UST: variants seen among roughly 807,000 people sequenced by gnomAD.
UST encodes chondroitin sulfate 2-O-sulfotransferase.
A neutral mutation model predicts 45.6 loss-of-function variants in UST; 21 were observed. The ratio of observed to expected loss-of-function variants is 0.46; its 90% CI spans 0.33 to 0.66. UST has a LOEUF of 0.66. Ranked by LOEUF, UST falls within the 30% of genes least tolerant of loss-of-function variation. The pLI, the probability that UST is intolerant of heterozygous loss-of-function variation, is 0.02. For synonymous variants in UST, 215 were observed against 200.6 expected (o/e 1.07, Z -0.61); for missense variants, 463 against 512.4 (o/e 0.90, Z 0.93).
chr6:149,019,102 A>G (rs1452527700), intron 5 of UST, 37 bp from the exon 6 acceptor site: 1 of 1,453,046 alleles, frequency 6.9e-7, no homozygotes, highest in African/African-American at 1.4e-5. Flanking sequence ...CCTTGCAGAG[A>G]CTACAAGACA....
intron 1 of UST, among the ~76,000 whole-genome samples, chr6:148,877,914 G>A (rs113788610): frequency 0.027 from 2,848 of 104,718 alleles, 158 homozygotes; most frequent in African/African-American, 0.075. Flanking sequence ...GTACGAGTGC[G>A]GAGATTGTGT....
intron 5 of UST, among the ~76,000 whole-genome samples, chr6:148,986,842 C>T (rs1453000424): frequency 6.6e-6 from 1 of 152,256 alleles, no homozygotes; most frequent in Non-Finnish European, 1.5e-5. Flanking sequence ...ATAGAAAGTT[C>T]CTCAAGGACA....
chr6:148,964,888 G>A (rs1018451644), intron 5 of UST, among the ~76,000 whole-genome samples: 8 of 152,194 alleles, frequency 5.3e-5, no homozygotes, highest in African/African-American at 1.4e-4. Flanking sequence ...GAACAAAGGT[G>A]TTGGGGGGGT....
chr6:148,807,060 A>G (rs1161125168), intron 1 of UST, among the ~76,000 whole-genome samples: 2 of 152,226 alleles, frequency 1.3e-5, no homozygotes, highest in East Asian at 1.9e-4. Flanking sequence ...ATCTCTGTGT[A>G]TTGAAAGTAG....
chr6:148,782,118 C>A (rs1220470699), intron 1 of UST, among the ~76,000 whole-genome samples: 1 of 152,160 alleles, frequency 6.6e-6, no homozygotes, highest in Admixed American at 6.5e-5. Context: ...AGCTCTGTCA[C>A]CCAGGCTGGA....
chr6:148,747,670 G>C lies in UST; in HGVS notation c.240G>C (p.Gln80His). The change falls in exon 1 of 8, where the codon CAG (glutamine) becomes CAC (histidine). Residue 80 changes from glutamine to histidine, a missense_variant. Physicochemically the swap from Gln to His is conservative, Grantham distance 24 (BLOSUM62 0). Transcript: ENST00000367463. ...GPPRFLLDLR[Q>H]YLGNSTYLDD... ...CTCGCTTCCTGCTCGACCTGCGGCAGTACTTGGGTAAGGAAGCTGGGCAGG... is the reference window on the plus strand; with the variant it reads ...CTCGCTTCCTGCTCGACCTGCGGCACTACTTGGGTAAGGAAGCTGGGCAGG... 1.9e-6 allele frequency: 3 copies of C among 1,598,850 alleles called. No homozygotes were observed. Among genetic ancestry groups the C allele is most frequent in the Middle Eastern group, 1.8e-4 (1 of 5,674 alleles).
At chr6:148,970,516 C>G (rs909607800) in intron 5 of UST, among the ~76,000 whole-genome samples, 2 of 152,108 alleles carry the variant, frequency 1.3e-5, no homozygotes, top group East Asian at 1.9e-4. Context: ...AAGGGGCTTA[C>G]GAGTCACCCA....
At chr6:148,767,751 A>G (rs1481944587) in intron 1 of UST, among the ~76,000 whole-genome samples, 6 of 152,224 alleles carry the variant, frequency 3.9e-5, no homozygotes, top group African/African-American at 1.4e-4. Flanking sequence ...CACAAAGAAA[A>G]TAAAACACAC....
chr6:148,947,775 A>C lies in UST; in HGVS notation c.448-6097A>C, dbSNP rs578252376. On this transcript the variant is annotated intron_variant, in intron 3 of 7. Transcript: ENST00000367463. ...AGTGGGGACAGTGTCCACAGGCATGAGAGTGCTCCAACTGGACCTTAGAGT... is the reference window on the plus strand; with the variant it reads ...AGTGGGGACAGTGTCCACAGGCATGCGAGTGCTCCAACTGGACCTTAGAGT... Among the ~76,000 whole-genome samples, 11 of 152,294 alleles carry C rather than the reference A, an allele frequency of 7.2e-5. No individual in the cohort carries two copies. The South Asian group carries it at 1.9e-3, about 26-fold the overall frequency.
chr6:148,876,856 C>T (rs1055218493), intron 1 of UST, among the ~76,000 whole-genome samples: 4 of 151,212 alleles, frequency 2.6e-5, no homozygotes, highest in Non-Finnish European at 4.4e-5. Context: ...CCATCCCAGT[C>T]GTACAGCCTG....
At position 149,005,256 on chromosome 6, in the gene UST, G is replaced by A. The variant is rs546197674; in HGVS notation, c.682-13883G>A. 11 of 982,276 alleles carry A rather than the reference G, an allele frequency of 1.1e-5. No homozygotes were observed. The South Asian group carries it at 3.3e-4, about 29-fold the overall frequency. 60.8% of individuals were successfully genotyped at this position (982,276 alleles called of 1,614,324 possible). A position where few individuals can be genotyped will look rare whatever the true frequency, so the allele number is the denominator to read the frequency against. ...CAACAGACCCTCTGTGTATGTTGAC[G>A]TTTCCTTTTACTGGGAACTCCTTAC... On this transcript the variant is annotated intron_variant, in intron 5 of 7. Transcript: ENST00000367463.
chr6:148,982,527 T>C lies in UST; in HGVS notation c.681+17964T>C, dbSNP rs561341988. On this transcript the variant is annotated intron_variant, in intron 5 of 7. Transcript: ENST00000367463. ...ACACCTGAGTTCTGGAGTGACCACA[T>C]TGAAACCATAGTAGGATGCTTTGTA... Among the ~76,000 whole-genome samples, 17 of 152,306 alleles carry C rather than the reference T, an allele frequency of 1.1e-4. No homozygotes were observed. The South Asian group carries it at 2.7e-3, about 24-fold the overall frequency.
chr6:148,978,683 G>A (rs1363316583), intron 5 of UST, among the ~76,000 whole-genome samples: 1 of 151,966 alleles, frequency 6.6e-6, no homozygotes, highest in Non-Finnish European at 1.5e-5. Flanking sequence ...GGGTTGGGGG[G>A]AAAGGGGAGG....
chr6:149,045,859 C>G (rs1776387349), intron 7 of UST, among the ~76,000 whole-genome samples: 1 of 152,144 alleles, frequency 6.6e-6, no homozygotes, highest in Non-Finnish European at 1.5e-5. Flanking sequence ...TTTTGCCAGT[C>G]ACCCAAGTCT....
At chr6:148,769,539 G>T (rs920053617) in intron 1 of UST, among the ~76,000 whole-genome samples, 2 of 152,222 alleles carry the variant, frequency 1.3e-5, no homozygotes, top group African/African-American at 4.8e-5. Flanking sequence ...CTGAGTCTCT[G>T]TTGGAACTTT....
intron 2 of UST, among the ~76,000 whole-genome samples, chr6:148,913,423 C>CTTTTTTTTTTTTTTTTTTTTTTTT (rs34110477): frequency 2.5e-5 from 2 of 79,880 alleles, no homozygotes; most frequent in African/African-American, 5.0e-5. Context: ...GACCAAAAAT[C>CTTTTTTTTTTTTTTTTTTTTTTTT]TTTTTTTTTT....
intron 1 of UST, among the ~76,000 whole-genome samples, chr6:148,815,685 A>G (rs1438140856): frequency 1.3e-5 from 2 of 152,238 alleles, no homozygotes; most frequent in Admixed American, 6.5e-5. Flanking sequence ...AAAAACAAAA[A>G]AAGAGTTCAG....
At chr6:148,820,333 C>T (rs992262794) in intron 1 of UST, among the ~76,000 whole-genome samples, 2 of 152,158 alleles carry the variant, frequency 1.3e-5, no homozygotes, top group African/African-American at 4.8e-5. Context: ...TGCATATACA[C>T]ATTCTCTTTC....
At chr6:148,920,274 A>C (rs1333133064) in intron 2 of UST, among the ~76,000 whole-genome samples, 1 of 144,894 alleles carries the variant, frequency 6.9e-6, no homozygotes, top group East Asian at 1.9e-4. Context: ...TTTTGATGCT[A>C]GCTGTTGACC....
Sources: gnomAD v4.1 joint callset for allele counts (sites outside exome capture counted in the v4.1 genomes callset) on GRCh38, gnomAD v4.1.1 for gene constraint, MANE v1.5 for transcripts, NCBI Gene and HGNC (gene_info 2026-07-23, HGNC 2026-07-21) for gene names.